The following FAM200C variants were observed in gnomAD, a reference collection of about 807,000 sequenced individuals.
the FAM200C span, chr5:160,395,113 T>C: frequency 3.1e-6 from 5 of 1,614,088 alleles, no homozygotes; most frequent in South Asian, 4.4e-5. Flanking sequence ...GTCCCAAAAC[T>C]ATTTGTGCTA....
chr5:160,394,513 A>G, the FAM200C span: 1 of 1,614,148 alleles, frequency 6.2e-7, no homozygotes, highest in South Asian at 1.1e-5. Flanking sequence ...CAGTATGGAA[A>G]AGGAGGACAC....
At chr5:160,394,763 T>A in the FAM200C span, 5 of 1,613,990 alleles carry the variant, frequency 3.1e-6, no homozygotes, top group Non-Finnish European at 4.2e-6. Context: ...GGAGGCACCA[T>A]CAGTACAAAC....
the FAM200C span, among the ~76,000 whole-genome samples, chr5:160,396,480 G>A: frequency 1.3e-5 from 2 of 152,026 alleles, no homozygotes; most frequent in Non-Finnish European, 2.9e-5. Context: ...GTCGGGCGTG[G>A]TAGCTCATGC....
chr5:160,394,326 C>A, the FAM200C span: 26 of 1,613,574 alleles, frequency 1.6e-5, no homozygotes, highest in East Asian at 5.8e-4. Context: ...TGCATAGATG[C>A]ACTGAGTTCA....
At chr5:160,397,628 C>A in the FAM200C span, 1 of 152,284 alleles carries the variant, frequency 6.6e-6, no homozygotes, top group Admixed American at 6.5e-5. Flanking sequence ...AGTGGATCTA[C>A]CAAGATGAAC....
chr5:160,395,479 T>A, the FAM200C span: 1 of 1,613,710 alleles, frequency 6.2e-7, no homozygotes, highest in South Asian at 1.1e-5. Context: ...CCCATTTGCG[T>A]TTCTTCGACA....
chr5:160,393,633 A>G, the FAM200C span: 4 of 1,111,762 alleles, frequency 3.6e-6, no homozygotes, highest in East Asian at 7.7e-5. Context: ...CATAAATATG[A>G]AAGAGACAGA....
chr5:160,393,155 A>G, the FAM200C span: 4 of 152,482 alleles, frequency 2.6e-5, no homozygotes, highest in African/African-American at 7.2e-5. Flanking sequence ...TGATTAATAT[A>G]TTAGGCTATT....
chr5:160,395,161 T>C, the FAM200C span: 5 of 1,613,962 alleles, frequency 3.1e-6, no homozygotes, highest in Non-Finnish European at 3.4e-6. Context: ...TTTCAGCTAC[T>C]GTATGAGGAT....
the FAM200C span, chr5:160,393,884 A>G: frequency 3.1e-6 from 5 of 1,614,050 alleles, no homozygotes; most frequent in African/African-American, 2.7e-5. Flanking sequence ...TGCAAATGGC[A>G]TAAGGATTTC....
the FAM200C span, chr5:160,393,585 A>G: frequency 1.3e-6 from 1 of 767,174 alleles, no homozygotes; most frequent in African/African-American, 1.8e-5. Flanking sequence ...ATTCAAAATT[A>G]AAGTTCTTAA....
the FAM200C span, among the ~76,000 whole-genome samples, chr5:160,395,793 T>C: frequency 3.9e-5 from 6 of 152,226 alleles, no homozygotes; most frequent in East Asian, 1.9e-4. Flanking sequence ...AAGTCCTTTA[T>C]TGGTGAATTA....
At chr5:160,398,789 G>A in the FAM200C span, among the ~76,000 whole-genome samples, 5 of 152,130 alleles carry the variant, frequency 3.3e-5, no homozygotes, top group Non-Finnish European at 7.4e-5. Flanking sequence ...TTGCACTTGC[G>A]CTTTTGTGGT....
chr5:160,394,947 T>C, the FAM200C span: 1 of 1,613,572 alleles, frequency 6.2e-7, no homozygotes, highest in Non-Finnish European at 8.5e-7. Context: ...CAGTCATCCA[T>C]GTCAGTTGTC....
the FAM200C span, chr5:160,393,854 A>G: frequency 1.2e-6 from 2 of 1,613,974 alleles, no homozygotes; most frequent in African/African-American, 2.7e-5. Flanking sequence ...TGAAAATCCC[A>G]ACTCACAAAG....
At chr5:160,394,578 C>G in the FAM200C span, 1 of 1,614,156 alleles carries the variant, frequency 6.2e-7, no homozygotes, top group Non-Finnish European at 8.5e-7. Context: ...TGATTTGGAG[C>G]TCTCCCTTTG....
At chr5:160,398,596 C>T in the FAM200C span, among the ~76,000 whole-genome samples, 1 of 152,188 alleles carries the variant, frequency 6.6e-6, no homozygotes, top group African/African-American at 2.4e-5. Context: ...TCCTATCCAC[C>T]TTGACTATGT....
the FAM200C span, among the ~76,000 whole-genome samples, chr5:160,398,348 G>C: frequency 3.3e-5 from 5 of 152,192 alleles, no homozygotes; most frequent in Non-Finnish European, 7.3e-5. Context: ...TCAGGAGTTT[G>C]AGACTGGCCC....
chr5:160,393,993 C>T, the FAM200C span: 4 of 1,613,482 alleles, frequency 2.5e-6, no homozygotes, highest in Non-Finnish European at 2.5e-6. Flanking sequence ...TGGCCACTAG[C>T]TCGTAATTCA....
Sources: gnomAD v4.1 joint callset for allele counts (sites outside exome capture counted in the v4.1 genomes callset) on GRCh38, gnomAD v4.1.1 for gene constraint, MANE v1.5 for transcripts.